The following CPNE4 variants were observed in gnomAD, a reference collection of about 807,000 sequenced individuals.
The protein encoded by CPNE4 is copine-4.
CPNE4 carries 25 observed loss-of-function variants against 67.9 expected under a neutral mutation model. The observed-to-expected ratio is 0.37, with a 90% CI of 0.27 to 0.51. CPNE4 has a LOEUF of 0.51. CPNE4 is among the 20% of genes least tolerant of loss of function. The pLI is 0.93. For synonymous variants in CPNE4, 242 were observed against 244.9 expected, an observed-to-expected ratio of 0.99 and a Z score of 0.11; for missense variants, 464 against 690.8, an observed-to-expected ratio of 0.67 and a Z score of 3.68.
upstream of CPNE4, among the ~76,000 whole-genome samples, chr3:132,036,474 GA>G (rs1207644434): frequency 6.6e-6 from 1 of 152,204 alleles, no homozygotes; most frequent in Non-Finnish European, 1.5e-5. Flanking sequence ...CTCCTACCAG[GA>G]AAGGGGAGAC....
intron 2 of CPNE4, among the ~76,000 whole-genome samples, chr3:131,791,022 C>T (rs139129689): frequency 1.3e-5 from 2 of 152,186 alleles, no homozygotes; most frequent in African/African-American, 4.8e-5. Flanking sequence ...TTAAGTACAA[C>T]ATTGATCAAA....
intron 1 of CPNE4, among the ~76,000 whole-genome samples, chr3:131,939,115 T>C (rs2071310934): frequency 6.6e-6 from 1 of 152,176 alleles, no homozygotes; most frequent in South Asian, 2.1e-4. Context: ...TACCCTTTGA[T>C]CCAGCAATTC....
In CPNE4 at chr3:131,950,452, A is replaced by T. The variant is rs79123549; in HGVS notation, c.-1-45008T>A. ...AAAATTATGGCACTAAGTCAAACACAGATAGGAAGCTTGTTTAAAGTATGA... is the reference window on the plus strand; with the variant it reads ...AAAATTATGGCACTAAGTCAAACACTGATAGGAAGCTTGTTTAAAGTATGA... On this transcript the variant is annotated intron_variant, in intron 1 of 15. Coordinates refer to ENST00000429747, the MANE Select transcript of CPNE4 (RefSeq NM_130808.3). Among the ~76,000 whole-genome samples, 1,316 of 152,322 alleles carry T rather than the reference A, an allele frequency of 8.6e-3. 20 individuals carry two copies. In the East Asian group the frequency reaches 0.094, roughly 11 times the overall value.
At chr3:131,562,786 C>A (rs1402652483) in intron 11 of CPNE4, among the ~76,000 whole-genome samples, 1 of 151,966 alleles carries the variant, frequency 6.6e-6, no homozygotes, top group Non-Finnish European at 1.5e-5. Flanking sequence ...TGCATTGGGG[C>A]TTGAAGAAAT....
At chr3:131,579,320 T>C (rs1937639577) in intron 9 of CPNE4, among the ~76,000 whole-genome samples, 1 of 152,212 alleles carries the variant, frequency 6.6e-6, no homozygotes, top group Admixed American at 6.5e-5. Flanking sequence ...TTCAAAATGT[T>C]ACAGTTCATT....
At chr3:131,974,182 C>A (rs2072581818) in intron 1 of CPNE4, among the ~76,000 whole-genome samples, 1 of 152,148 alleles carries the variant, frequency 6.6e-6, no homozygotes, top group African/African-American at 2.4e-5. Context: ...GTTCTCAGGT[C>A]TTAATACATT....
At chr3:131,863,223 C>T (rs1031226636) in intron 2 of CPNE4, among the ~76,000 whole-genome samples, 1 of 152,120 alleles carries the variant, frequency 6.6e-6, no homozygotes, top group Non-Finnish European at 1.5e-5. Context: ...GGTACATACC[C>T]AGTAATGGGA....
intron 2 of CPNE4, among the ~76,000 whole-genome samples, chr3:131,882,171 C>T (rs1380522462): frequency 6.6e-6 from 1 of 152,034 alleles, no homozygotes; most frequent in Non-Finnish European, 1.5e-5. Context: ...CAACCTACAT[C>T]TCTCTCACAA....
intron 10 of CPNE4, among the ~76,000 whole-genome samples, chr3:131,565,173 A>T (rs1936991588): frequency 6.6e-6 from 1 of 152,000 alleles, no homozygotes. Flanking sequence ...CTAATTTCCA[A>T]CATCACCACC....
rs563064166 is a variant in CPNE4, at chr3:131,890,703, AT to A, written c.180+14560del. ...AAATATGGAAACAATCCAAATGTTT[AT>A]CAACAGATGAATAAGCAAAGAAAGT... On this transcript the variant is annotated intron_variant, in intron 2 of 15. Transcript: ENST00000429747. Among the ~76,000 whole-genome samples the A allele has an allele frequency of 7.9e-5, 12 of 152,324 alleles. No homozygotes were observed. In the East Asian group the frequency reaches 1.7e-3, roughly 22 times the overall value.
intron 1 of CPNE4, among the ~76,000 whole-genome samples, chr3:131,971,473 T>C (rs2072500607): frequency 6.6e-6 from 1 of 152,174 alleles, no homozygotes; most frequent in Non-Finnish European, 1.5e-5. Flanking sequence ...TTCCCTAAGA[T>C]ATCATTAGGT....
intron 2 of CPNE4, among the ~76,000 whole-genome samples, chr3:131,838,109 G>A (rs924209263): frequency 2.0e-5 from 3 of 151,690 alleles, no homozygotes; most frequent in African/African-American, 7.3e-5. Flanking sequence ...CCTAGTCTCT[G>A]TACAATTTTT....
At chr3:131,786,550 C>CT (rs1385334625) in intron 2 of CPNE4, among the ~76,000 whole-genome samples, 3 of 152,132 alleles carry the variant, frequency 2.0e-5, no homozygotes, top group Non-Finnish European at 4.4e-5. Context: ...ACTTATATGT[C>CT]TATTTCTGAG....
intron 1 of CPNE4, among the ~76,000 whole-genome samples, chr3:132,000,014 A>C (rs549540482): frequency 2.4e-4 from 37 of 151,302 alleles, no homozygotes; most frequent in African/African-American, 8.3e-4. Flanking sequence ...AACAACATTC[A>C]ATGTACATCT....
At chr3:131,535,592 T>C (rs2107618699) in intron 15 of CPNE4, among the ~76,000 whole-genome samples, 1 of 152,354 alleles carries the variant, frequency 6.6e-6, no homozygotes, top group South Asian at 2.1e-4. Flanking sequence ...GGAGAATGAA[T>C]TGTTCTGCAG....
At chr3:131,938,362 A>G (rs1560634586) in intron 1 of CPNE4, among the ~76,000 whole-genome samples, 2 of 152,128 alleles carry the variant, frequency 1.3e-5, no homozygotes, top group Non-Finnish European at 2.9e-5. Context: ...GTCTCAAAAA[A>G]AAAATCATTA....
chr3:131,684,482 G>C (rs1423939488), intron 6 of CPNE4, among the ~76,000 whole-genome samples: 1 of 151,910 alleles, frequency 6.6e-6, no homozygotes, highest in Non-Finnish European at 1.5e-5. Context: ...ACTTTTTTTA[G>C]ATATCAACTT....
At chr3:131,873,738 G>A (rs1242634174) in intron 2 of CPNE4, among the ~76,000 whole-genome samples, 1 of 152,102 alleles carries the variant, frequency 6.6e-6, no homozygotes, top group Non-Finnish European at 1.5e-5. Flanking sequence ...CCCATAAATG[G>A]ACCTTATCAC....
rs141323352 is a variant in CPNE4 at position 131,773,126 on chromosome 3, A to G, written c.181-49501T>C. On this transcript the variant is annotated intron_variant, in intron 2 of 15. Transcript: ENST00000429747. ...ATAGGCAAAACACCGTTGACTCTCA[A>G]TTTGGAATCTCGTAGCCTGCCAAAT... Among the ~76,000 whole-genome samples the G allele has an allele frequency of 3.3e-3, 498 of 152,206 alleles. 3 individuals are homozygous for G. Among genetic ancestry groups the G allele is most frequent in the African/African-American group, 0.011 (470 of 41,524 alleles).
Sources: allele counts gnomAD v4.1 joint callset (sites outside exome capture counted in the v4.1 genomes callset), GRCh38; gene constraint gnomAD v4.1.1; transcripts MANE v1.5; gene names NCBI Gene and HGNC (gene_info 2026-07-23, HGNC 2026-07-21).